USP15: variants seen among roughly 807,000 people sequenced by gnomAD.
USP15 encodes the protein ubiquitin carboxyl-terminal hydrolase 15.
A neutral mutation model predicts 127.1 loss-of-function variants in USP15; 18 were observed. The ratio of observed to expected loss-of-function variants is 0.14; its 90% confidence interval spans 0.10 to 0.21. The LOEUF (loss-of-function observed/expected upper bound fraction) is 0.21, where lower values mean the gene tolerates loss of function less well. Among genes scored for constraint, USP15 ranks in the 10% least tolerant of loss-of-function variants. USP15 has a pLI of 1.00. For synonymous variants in USP15, 364 were observed against 393.7 expected, an observed-to-expected ratio of 0.92 and a Z score of 0.89; for missense variants, 805 against 1,159.9, an observed-to-expected ratio of 0.69 and a Z score of 4.44.
intron 4 of USP15, among the ~76,000 whole-genome samples, chr12:62,319,813 G>A (rs1011590079): frequency 5.3e-5 from 8 of 152,162 alleles, no homozygotes; most frequent in Non-Finnish European, 1.2e-4. Context: ...TTATATCTAG[G>A]TAGACATTTT....
At chr12:62,314,446 A>T (rs1044426739) in intron 3 of USP15, among the ~76,000 whole-genome samples, 3 of 151,946 alleles carry the variant, frequency 2.0e-5, no homozygotes, top group Admixed American at 6.6e-5. Context: ...ATATTTGCAC[A>T]TAGTCATTTT....
At position 62,404,279 on chromosome 12, in the gene USP15, T is replaced by G; in HGVS notation, c.2850T>G (p.Gly950=). 1 of 1,612,568 alleles carries G rather than the reference T, an allele frequency of 6.2e-7. No individual in the cohort carries two copies. Among genetic ancestry groups the G allele is most frequent in the Non-Finnish European group, 8.5e-7 (1 of 1,179,120 alleles). The change falls in exon 22 of 22, where the codon GGT becomes GGG. Residue 950 remains glycine (G), a synonymous_variant. Coordinates refer to ENST00000280377, the MANE Select transcript of USP15 (RefSeq NM_001252078.2). ...GFFPLDRETK[G]ASAATGIPLE... Reference sequence around the variant, plus strand: ...TTCCTCTTGACCGAGAAACTAAAGGTGCTTCAGCTGCCACTGGCATCCCAT... The same window carrying G: ...TTCCTCTTGACCGAGAAACTAAAGGGGCTTCAGCTGCCACTGGCATCCCAT...
chr12:62,401,376 C>T (rs1362230053), intron 21 of USP15, 101 bp downstream of exon 21: 5 of 839,510 alleles, frequency 6.0e-6, no homozygotes, highest in Admixed American at 3.3e-5. Flanking sequence ...AGTCTATATT[C>T]TAGCAGCTTG....
intron 1 of USP15, among the ~76,000 whole-genome samples, chr12:62,267,515 T>C (rs2063224971): frequency 6.6e-6 from 1 of 152,176 alleles, no homozygotes; most frequent in Non-Finnish European, 1.5e-5. Context: ...TCTACATGGT[T>C]TCCTTATAGC....
chr12:62,353,471 G>T (rs549967957), intron 7 of USP15, among the ~76,000 whole-genome samples: 2 of 151,106 alleles, frequency 1.3e-5, no homozygotes, highest in Non-Finnish European at 1.5e-5. Context: ...GTCTTTTCAC[G>T]TGTGTGTGTG....
intron 8 of USP15, among the ~76,000 whole-genome samples, chr12:62,371,385 AT>A (rs2066660984): frequency 6.6e-6 from 1 of 152,124 alleles, no homozygotes. Context: ...TTTCTTTTAT[AT>A]CCCCAGTGTT....
At chr12:62,398,240 A>G (rs990127138) in intron 20 of USP15, among the ~76,000 whole-genome samples, 1 of 151,888 alleles carries the variant, frequency 6.6e-6, no homozygotes, top group Non-Finnish European at 1.5e-5. Flanking sequence ...CGATCCTCCT[A>G]CCTCAGCCTC....
At position 62,409,604 on chromosome 12, in the gene USP15, A is replaced by G. The variant is rs987311388; in HGVS notation, c.*5229A>G. 1.3e-5 allele frequency: 2 copies of G among 152,170 alleles called. No individual in the cohort carries two copies. The highest frequency in any genetic ancestry group is 2.1e-4 in the South Asian group (1 of 4,832). 9.4% of individuals were successfully genotyped at this position (152,170 alleles called of 1,614,324 possible). A position where few individuals can be genotyped will look rare whatever the true frequency, so the allele number is the denominator to read the frequency against. On this transcript the variant is annotated 3_prime_UTR_variant, in exon 22 of 22. Coordinates refer to ENST00000280377, the MANE Select transcript of USP15 (RefSeq NM_001252078.2). ...ATGTCAGGAACTTGCAGCTTGTTCT[A>G]TATAGTTTGGTGAAACAAACAAAAC... is the stretch of plus-strand genomic sequence containing the variant.
At chr12:62,397,095 T>C (rs919890086) in intron 20 of USP15, among the ~76,000 whole-genome samples, 15 of 152,202 alleles carry the variant, frequency 9.9e-5, no homozygotes, top group African/African-American at 3.4e-4. Context: ...TTACATTCCT[T>C]GGATATATCC....
chr12:62,353,149 C>T (rs1565880186), intron 7 of USP15, among the ~76,000 whole-genome samples: 2 of 151,708 alleles, frequency 1.3e-5, no homozygotes, highest in South Asian at 2.1e-4. Flanking sequence ...TATAAGTGAC[C>T]GATCAAGATA....
intron 6 of USP15, among the ~76,000 whole-genome samples, chr12:62,337,553 T>A (rs887326517): frequency 2.6e-5 from 4 of 152,148 alleles, no homozygotes; most frequent in Non-Finnish European, 4.4e-5. Flanking sequence ...CGTGGTAGTT[T>A]GCTGCACCTA....
At chr12:62,335,848 T>C in intron 6 of USP15, 1 of 985,410 alleles carries the variant, frequency 1.0e-6, no homozygotes, top group African/African-American at 1.7e-5. Context: ...TTCTTTTTGA[T>C]AACCATCTTC....
At chr12:62,335,210 A>G (rs2065424387) in intron 6 of USP15, 1 of 1,535,482 alleles carries the variant, frequency 6.5e-7, no homozygotes, top group East Asian at 2.4e-5. Context: ...TAATTTCCAC[A>G]TACGTCACAG....
At chr12:62,366,832 GTT>G (rs1462064642) in intron 8 of USP15, among the ~76,000 whole-genome samples, 2 of 152,178 alleles carry the variant, frequency 1.3e-5, no homozygotes, top group Non-Finnish European at 2.9e-5. Flanking sequence ...CATTGGTTCT[GTT>G]TACGTGATGG....
At chr12:62,351,959 T>G (rs2065980138) in intron 7 of USP15, among the ~76,000 whole-genome samples, 1 of 151,920 alleles carries the variant, frequency 6.6e-6, no homozygotes, top group South Asian at 2.1e-4. Context: ...ATTTATTTCT[T>G]GAATTTCCAT....
chr12:62,271,518 CT>C (rs1406840102), intron 1 of USP15, among the ~76,000 whole-genome samples: 2 of 151,780 alleles, frequency 1.3e-5, no homozygotes, highest in African/African-American at 2.4e-5. Context: ...ATTGTAAGAG[CT>C]TTTTATTTTG....
At chr12:62,401,935 T>C (rs1021151882) in intron 21 of USP15, among the ~76,000 whole-genome samples, 16 of 142,778 alleles carry the variant, frequency 1.1e-4, no homozygotes, top group African/African-American at 2.6e-4. Context: ...TATATATATA[T>C]ACTGTTATTT....
At chr12:62,401,585 C>T (rs2067689516) in intron 21 of USP15, among the ~76,000 whole-genome samples, 1 of 151,790 alleles carries the variant, frequency 6.6e-6, no homozygotes, top group South Asian at 2.1e-4. Context: ...ACTTTCTAGA[C>T]ATTGAGTACT....
chr12:62,315,434 G>A (rs1387080298), intron 4 of USP15, among the ~76,000 whole-genome samples: 2 of 151,636 alleles, frequency 1.3e-5, no homozygotes, highest in African/African-American at 4.8e-5. Context: ...TATATAAATT[G>A]TTTTCTTTCT....
Sources: allele counts gnomAD v4.1 joint callset (sites outside exome capture counted in the v4.1 genomes callset), GRCh38; gene constraint gnomAD v4.1.1; transcripts MANE v1.5; gene names NCBI Gene and HGNC (gene_info 2026-07-23, HGNC 2026-07-21).